Variants in IP6K3 observed in about 807,000 individuals in gnomAD.
IP6K3 encodes the protein inositol hexakisphosphate kinase 3.
IP6K3 carries 20 observed loss-of-function variants against 28.8 expected under a neutral mutation model. The ratio of observed to expected loss-of-function variants is 0.70; its 90% CI spans 0.49 to 1.01. The LOEUF (loss-of-function observed/expected upper bound fraction) is 1.01. IP6K3 is among the 50% of genes least tolerant of loss of function. The pLI is 0.00. For missense variants in IP6K3, 480 were observed against 537.1 expected, an observed-to-expected ratio of 0.89 and a Z score of 1.05; for synonymous variants, 213 against 221.3, an observed-to-expected ratio of 0.96 and a Z score of 0.33.
chr6:33,738,493 GTAGCCATGTTC>G (rs1247250155), intron 1 of IP6K3, among the ~76,000 whole-genome samples: 1 of 152,112 alleles, frequency 6.6e-6, no homozygotes, highest in Non-Finnish European at 1.5e-5. Flanking sequence ...AGCGCTTGCT[GTAGCCATGTTC>G]TAGTGCTTTG....
At chr6:33,740,845 C>A (rs1766695028) in intron 1 of IP6K3, among the ~76,000 whole-genome samples, 1 of 152,156 alleles carries the variant, frequency 6.6e-6, no homozygotes, top group African/African-American at 2.4e-5. Context: ...CAGACGAAAC[C>A]ACAAATCAAA....
upstream of IP6K3, among the ~76,000 whole-genome samples, chr6:33,751,128 G>T (rs1308761518): frequency 6.6e-6 from 1 of 152,178 alleles, no homozygotes; most frequent in Non-Finnish European, 1.5e-5. This position sits in a 1 kb window ranked among gnomAD's most constrained non-coding sequence, Gnocchi z 4.3. Context: ...GCCCTTTGCA[G>T]CAAGGGGGGG....
intron 2 of IP6K3, among the ~76,000 whole-genome samples, chr6:33,729,175 C>A (rs540728315): frequency 6.6e-6 from 1 of 152,372 alleles, no homozygotes; most frequent in East Asian, 1.9e-4. Flanking sequence ...ATTAGCAGCT[C>A]TGTAGCCACC....
the IP6K3 span, among the ~76,000 whole-genome samples, chr6:33,756,179 A>G: frequency 6.6e-6 from 1 of 152,236 alleles, no homozygotes; most frequent in African/African-American, 2.4e-5. Flanking sequence ...TTTTTTTAAA[A>G]AGTAAAACAA....
intron 2 of IP6K3, among the ~76,000 whole-genome samples, chr6:33,732,890 C>T (rs1051684109): frequency 6.6e-6 from 1 of 152,260 alleles, no homozygotes; most frequent in Non-Finnish European, 1.5e-5. Flanking sequence ...CACCTGTCCT[C>T]CTTCCCCTAC....
At chr6:33,737,322 CCCTGAGAGCACATTCCCACAGCGGTG>C (rs1157036032) in intron 1 of IP6K3, among the ~76,000 whole-genome samples, 2 of 127,378 alleles carry the variant, frequency 1.6e-5, no homozygotes, top group East Asian at 4.0e-4. Context: ...CACAGCGGTG[CCCTGAGAGCACATTCCCACAGCGGTG>C]CCCTGAGAGC....
intron 5 of IP6K3, 50 bp downstream of exon 5, chr6:33,725,391 C>T (rs776574468): frequency 1.6e-5 from 24 of 1,545,696 alleles, no homozygotes; most frequent in African/African-American, 6.7e-5. Flanking sequence ...CTTGCCCCAC[C>T]GTGGACGTGC....
intron 5 of IP6K3, among the ~76,000 whole-genome samples, chr6:33,724,368 T>G (rs1766019496): frequency 6.6e-6 from 1 of 152,208 alleles, no homozygotes; most frequent in African/African-American, 2.4e-5. Flanking sequence ...ACTTCCAGCT[T>G]CAAGGGGTGG....
chr6:33,729,660 G>A (rs1370387039), intron 2 of IP6K3, among the ~76,000 whole-genome samples: 1 of 152,092 alleles, frequency 6.6e-6, no homozygotes, highest in African/African-American at 2.4e-5. Flanking sequence ...CCAGTCCCTG[G>A]TTGTACCCCT....
In IP6K3 at chr6:33,733,700, C is replaced by A. The variant is rs1165990370; in HGVS notation, c.199+1578G>T. Reference sequence around the variant, plus strand: ...AACACCAGCCTGCGGGCCGGGAAGACCCCAGGGAGAGGGAGGCCCACACAG... The same window carrying A: ...AACACCAGCCTGCGGGCCGGGAAGAACCCAGGGAGAGGGAGGCCCACACAG... On this transcript the variant is annotated intron_variant, in intron 2 of 5. Transcript: ENST00000293756. Among the ~76,000 whole-genome samples the A allele has an allele frequency of 2.6e-5, 4 of 152,368 alleles. No individual in the cohort carries two copies. The East Asian group carries it at 7.7e-4, about 29-fold the overall frequency.
intron 2 of IP6K3, 117 bp from the exon 3 acceptor site, chr6:33,728,417 T>G (rs996745611): frequency 6.9e-6 from 6 of 868,216 alleles, no homozygotes; most frequent in African/African-American, 6.6e-5. Flanking sequence ...ACCTCCTCCG[T>G]TCCCCAGCTC....
chr6:33,722,678 G>T lies in IP6K3; in HGVS notation c.*42C>A. ...CCTAGCAACCAACAGGTCTCTATTT[G>T]AGATCTATAGCCCAGAAGAATCCAG... On this transcript the variant is annotated 3_prime_UTR_variant, in exon 6 of 6. Coordinates refer to ENST00000293756, the MANE Select transcript of IP6K3 (RefSeq NM_054111.5). 1.4e-6 allele frequency: 2 copies of T among 1,383,104 alleles called. No homozygotes were observed. The highest frequency in any genetic ancestry group is 2.6e-5 in the South Asian group (2 of 76,224). The allele number at this position is 1,383,104 out of a possible 1,614,324, so 85.7% of individuals were successfully genotyped here.
chr6:33,732,203 C>T (rs372542140), intron 2 of IP6K3, among the ~76,000 whole-genome samples: 9 of 152,202 alleles, frequency 5.9e-5, no homozygotes, highest in African/African-American at 1.9e-4. Context: ...ATCATGCCTG[C>T]GGAGCCCAGC....
the IP6K3 span, among the ~76,000 whole-genome samples, chr6:33,759,050 G>A: frequency 6.6e-6 from 1 of 152,228 alleles, no homozygotes; most frequent in African/African-American, 2.4e-5. Flanking sequence ...GGGAGGAGGA[G>A]TGGGCAGTGG....
chr6:33,758,402 G>A, the IP6K3 span, among the ~76,000 whole-genome samples: 26 of 152,046 alleles, frequency 1.7e-4, no homozygotes, highest in African/African-American at 3.9e-4. Flanking sequence ...GTGGTGGCAC[G>A]TGCCTGTAGT....
chr6:33,743,265 C>T (rs1419626316), intron 1 of IP6K3, among the ~76,000 whole-genome samples: 1 of 152,156 alleles, frequency 6.6e-6, no homozygotes, highest in Non-Finnish European at 1.5e-5. Flanking sequence ...TAAGAAACAG[C>T]TTGTAGCAAA....
chr6:33,754,568 G>C, the IP6K3 span, among the ~76,000 whole-genome samples: 1 of 152,084 alleles, frequency 6.6e-6, no homozygotes, highest in African/African-American at 2.4e-5. Context: ...TGGGCTGGCG[G>C]GGCTGAAGCT....
chr6:33,722,930 G>C lies in IP6K3; in HGVS notation c.1023C>G (p.Gly341=), dbSNP rs1175116858. ...GGGGAGCCTCGTGAGGATGCGGGCT[G>C]CCTGGGGCTCTTTCTGGTGGTTCCT... ...DGQEPPERAP[G]SPHPHEAPQA... is the part of the protein sequence containing the mutation. The change falls in exon 6 of 6, where the codon GGC becomes GGG. Residue 341 remains glycine (G), a synonymous_variant. Transcript: ENST00000293756. The C allele has an allele frequency of 3.7e-6, 6 of 1,613,988 alleles. No homozygotes were observed. Among genetic ancestry groups the C allele is most frequent in the Non-Finnish European group, 5.1e-6 (6 of 1,180,028 alleles).
At chr6:33,729,232 G>T (rs142222271) in intron 2 of IP6K3, among the ~76,000 whole-genome samples, 1 of 152,224 alleles carries the variant, frequency 6.6e-6, no homozygotes, top group African/African-American at 2.4e-5. Context: ...GCCTTCCTCC[G>T]TGGAGCTTGG....
Sources: gnomAD v4.1 joint callset for allele counts (sites outside exome capture counted in the v4.1 genomes callset) on GRCh38, gnomAD v4.1.1 for gene constraint, Gnocchi (gnomAD v3.1) non-coding constraint, MANE v1.5 for transcripts, NCBI Gene and HGNC (gene_info 2026-07-23, HGNC 2026-07-21) for gene names.